The following CFAP43 variants were observed in gnomAD, a reference collection of about 807,000 sequenced individuals.
The protein encoded by CFAP43 is cilia- and flagella-associated protein 43.
A neutral mutation model predicts 218.9 loss-of-function variants in CFAP43; 155 were observed. The observed-to-expected ratio is 0.71, with a 90% confidence interval of 0.62 to 0.81. The LOEUF is 0.81. Among genes scored for constraint, CFAP43 ranks in the 30% least tolerant of loss-of-function variants. The pLI is 0.00. For synonymous variants in CFAP43, 645 were observed against 681.3 expected (o/e 0.95, Z 0.83); for missense variants, 1,778 against 1,954.3 (o/e 0.91, Z 1.70).
intron 23 of CFAP43, among the ~76,000 whole-genome samples, chr10:104,166,213 A>G (rs1013255659): frequency 3.3e-5 from 5 of 152,140 alleles, no homozygotes; most frequent in Non-Finnish European, 1.5e-5. Flanking sequence ...AGCTGGGATT[A>G]CAGGCACGCA....
chr10:104,230,481 A>T, intron 2 of CFAP43, 109 bp downstream of exon 2: 1 of 1,410,928 alleles, frequency 7.1e-7, no homozygotes, highest in East Asian at 2.4e-5. Flanking sequence ...AACACAAAAA[A>T]CAAACAAAAA....
intron 3 of CFAP43, among the ~76,000 whole-genome samples, chr10:104,222,523 T>C (rs2091208959): frequency 6.6e-6 from 1 of 152,160 alleles, no homozygotes; most frequent in Admixed American, 6.5e-5. Flanking sequence ...TCACTGAGAA[T>C]CTCCTCATGA....
intron 34 of CFAP43, among the ~76,000 whole-genome samples, chr10:104,137,577 G>T (rs1490808979): frequency 6.6e-6 from 1 of 152,172 alleles, no homozygotes; most frequent in Non-Finnish European, 1.5e-5. Context: ...GGAGGCTAAG[G>T]CAGGAGGATC....
At chr10:104,152,561 G>A in intron 28 of CFAP43, 46 bp downstream of exon 28, 1 of 1,607,490 alleles carries the variant, frequency 6.2e-7, no homozygotes, top group Non-Finnish European at 8.5e-7. Flanking sequence ...CCATGGAAGG[G>A]CCCTGCAAGC....
chr10:104,156,531 A>G (rs906896701), intron 27 of CFAP43, among the ~76,000 whole-genome samples: 3 of 152,186 alleles, frequency 2.0e-5, no homozygotes, highest in African/African-American at 7.2e-5. Flanking sequence ...AAAGAAGAGT[A>G]CATTTTAAGC....
chr10:104,203,475 C>G, intron 8 of CFAP43, 197 bp downstream of exon 8: 3 of 479,596 alleles, frequency 6.3e-6, no homozygotes, highest in Non-Finnish European at 1.1e-5. Context: ...CTTGCCCTTT[C>G]AGTTACATGC....
intron 23 of CFAP43, among the ~76,000 whole-genome samples, chr10:104,164,977 C>A (rs1352883023): frequency 6.6e-6 from 1 of 152,136 alleles, no homozygotes; most frequent in Non-Finnish European, 1.5e-5. Flanking sequence ...AAGCAATATA[C>A]AGGATTTAAG....
chr10:104,229,938 G>T (rs1251153619), intron 2 of CFAP43, among the ~76,000 whole-genome samples: 2 of 152,110 alleles, frequency 1.3e-5, no homozygotes, highest in Admixed American at 6.6e-5. Flanking sequence ...TAGTCTTCTA[G>T]CCCAGTGCTT....
chr10:104,151,734 T>A (rs1449347280), intron 28 of CFAP43, among the ~76,000 whole-genome samples: 1 of 152,236 alleles, frequency 6.6e-6, no homozygotes, highest in Non-Finnish European at 1.5e-5. Flanking sequence ...AACTCTTTAG[T>A]TTAATTAGAT....
At chr10:104,155,538 G>C (rs974094479) in intron 27 of CFAP43, among the ~76,000 whole-genome samples, 4 of 152,254 alleles carry the variant, frequency 2.6e-5, no homozygotes, top group East Asian at 1.9e-4. Flanking sequence ...CATCTTGAAG[G>C]GGGTAGGGGA....
At chr10:104,227,835 CTTTTTTTT>C (rs776193577) in intron 2 of CFAP43, among the ~76,000 whole-genome samples, 4 of 58,356 alleles carry the variant, frequency 6.9e-5, no homozygotes, top group Non-Finnish European at 9.2e-5. Flanking sequence ...ATGTTTTCTA[CTTTTTTTT>C]TTTTTTTTTT....
chr10:104,183,646 C>A (rs978697809), intron 16 of CFAP43, among the ~76,000 whole-genome samples: 2 of 152,178 alleles, frequency 1.3e-5, no homozygotes, highest in African/African-American at 2.4e-5. Context: ...GCCTCAGCCT[C>A]CCAAAGTGCT....
chr10:104,168,764 C>G lies in CFAP43; in HGVS notation c.2671G>C (p.Val891Leu). ...IKEECWNSMA[V>L]KGRALKCFHI... ...GTTACCTTAAGAGCTCGACCTTTCA[C>G]AGCCATCGAATTCCAACATTCTTCT... The change falls in exon 21 of 38, where the codon GTG (valine) becomes CTG (leucine). Residue 891 changes from valine (V) to leucine (L), a missense_variant. By Grantham distance (32) the Val-to-Leu change is conservative (BLOSUM62 1). Around this residue, in one of 3 missense-constraint regions of CFAP43, gnomAD observed 1,553 missense variants for 1,685.2 expected, o/e 0.92. Coordinates refer to ENST00000357060, the MANE Select transcript of CFAP43 (RefSeq NM_025145.7). 3.7e-6 allele frequency: 6 copies of G among 1,614,098 alleles called. No individual in the cohort carries two copies. The highest frequency in any genetic ancestry group is 5.1e-6 in the Non-Finnish European group (6 of 1,179,948).
intron 19 of CFAP43, among the ~76,000 whole-genome samples, chr10:104,177,534 T>C (rs1297677001): frequency 6.6e-6 from 1 of 152,150 alleles, no homozygotes; most frequent in Non-Finnish European, 1.5e-5. Flanking sequence ...CTCCTGCTGA[T>C]GCTACTTATT....
At chr10:104,219,476 C>T (rs1325985748) in intron 3 of CFAP43, among the ~76,000 whole-genome samples, 1 of 152,160 alleles carries the variant, frequency 6.6e-6, no homozygotes, top group Non-Finnish European at 1.5e-5. Flanking sequence ...TGAAAGGAAT[C>T]TTCTTAAATG....
At chr10:104,196,583 T>A (rs567951380) in intron 10 of CFAP43, among the ~76,000 whole-genome samples, 1 of 152,294 alleles carries the variant, frequency 6.6e-6, no homozygotes, top group South Asian at 2.1e-4. Context: ...ACTTATGGCA[T>A]GAGTAAGATA....
chr10:104,198,250 C>G (rs1391801391), intron 8 of CFAP43, among the ~76,000 whole-genome samples: 1 of 152,118 alleles, frequency 6.6e-6, no homozygotes, highest in African/African-American at 2.4e-5. Context: ...TTGATTCATT[C>G]ATTCATTCAC....
intron 21 of CFAP43, 53 bp downstream of exon 21, chr10:104,168,691 A>G: frequency 7.0e-7 from 1 of 1,437,140 alleles, no homozygotes; most frequent in Non-Finnish European, 9.8e-7. Flanking sequence ...AACTTTCCTG[A>G]GCTTTTGATG....
At chr10:104,205,267 A>T (rs1469736582) in intron 7 of CFAP43, among the ~76,000 whole-genome samples, 1 of 151,160 alleles carries the variant, frequency 6.6e-6, no homozygotes, top group Non-Finnish European at 1.5e-5. Flanking sequence ...ATATGGTCTG[A>T]CCCCTTTTAT....
Sources: allele counts gnomAD v4.1 joint callset (sites outside exome capture counted in the v4.1 genomes callset), GRCh38; gene constraint gnomAD v4.1.1; regional missense constraint gnomAD v4.1.1; transcripts MANE v1.5; gene names NCBI Gene and HGNC (gene_info 2026-07-23, HGNC 2026-07-21).